ACADSB: variants seen among roughly 807,000 people sequenced by gnomAD.
ACADSB encodes acyl-CoA dehydrogenase short/branched chain, also known as short/branched chain specific acyl-CoA dehydrogenase, mitochondrial.
In ACADSB, 40 loss-of-function variants were observed where a neutral mutation model predicts 54.1. The observed-to-expected ratio is 0.74, with a 90% confidence interval of 0.57 to 0.96. The LOEUF is 0.96. Ranked by LOEUF, ACADSB falls within the 40% of genes least tolerant of loss-of-function variation. The pLI is 0.00. For synonymous variants in ACADSB, 182 were observed against 182.8 expected (o/e 1.00, Z 0.03); for missense variants, 530 against 510.4 (o/e 1.04, Z -0.37).
intron 10 of ACADSB, 25 bp from the exon 11 acceptor site, chr10:123,053,670 T>A (rs1156404833): frequency 3.1e-6 from 5 of 1,597,954 alleles, no homozygotes; most frequent in Non-Finnish European, 4.3e-6. Context: ...CTCCTCATTG[T>A]TCCTTCTGCT....
At chr10:123,029,107 G>A (rs557858040) in intron 1 of ACADSB, among the ~76,000 whole-genome samples, 3 of 152,046 alleles carry the variant, frequency 2.0e-5, no homozygotes, top group African/African-American at 7.2e-5. Flanking sequence ...AGCACTTTGG[G>A]AGGCCAAGGT....
intron 7 of ACADSB, among the ~76,000 whole-genome samples, chr10:123,046,374 G>A (rs1850560998): frequency 6.6e-6 from 1 of 152,172 alleles, no homozygotes; most frequent in African/African-American, 2.4e-5. Context: ...GCTACCTAAT[G>A]TTGAAATTTA....
intron 7 of ACADSB, among the ~76,000 whole-genome samples, chr10:123,045,152 TATATATATATATATATATA>T (rs1316909788): frequency 0.054 from 650 of 11,942 alleles, 73 homozygotes; most frequent in African/African-American, 0.16. Context: ...TATATATATA[TATATATATATATATATATA>T]TTTTTTTTTT....
In ACADSB at chr10:123,041,218, T is replaced by G; in HGVS notation, c.520T>G (p.Phe174Val). The G allele has an allele frequency of 6.2e-7, 1 of 1,614,186 alleles. No individual in the cohort carries two copies. Among genetic ancestry groups the G allele is most frequent in the South Asian group, 1.1e-5 (1 of 91,086 alleles). Residue 174 changes from phenylalanine to valine, a missense_variant, in exon 5 of 11, where the codon TTC becomes GTC. Phe to Val is a conservative substitution (Grantham distance 50). Coordinates refer to ENST00000358776, the MANE Select transcript of ACADSB (RefSeq NM_001609.4). ...PQLTTEKVGSFCLSEAGAGSD... is the reference protein window; with the variant it reads ...PQLTTEKVGSVCLSEAGAGSD... Reference sequence around the variant, plus strand: ...TTTCTCCCATATGTAGGTAGGAAGTTTCTGCCTTTCAGAGGCTGGAGCAGG... The same window carrying G: ...TTTCTCCCATATGTAGGTAGGAAGTGTCTGCCTTTCAGAGGCTGGAGCAGG...
chr10:123,013,310 CAG>C (rs1401264480), intron 1 of ACADSB, among the ~76,000 whole-genome samples: 1 of 152,272 alleles, frequency 6.6e-6, no homozygotes. Context: ...GAGCTAGACA[CAG>C]GGTGCTGATT....
chr10:123,016,190 A>G (rs1033866081), intron 1 of ACADSB, among the ~76,000 whole-genome samples: 8 of 152,248 alleles, frequency 5.3e-5, no homozygotes, highest in African/African-American at 1.7e-4. Context: ...TGCTAAAGCT[A>G]TGGTAAAAGG....
intron 7 of ACADSB, among the ~76,000 whole-genome samples, chr10:123,045,265 G>A (rs1317330310): frequency 1.1e-4 from 15 of 136,670 alleles, no homozygotes; most frequent in Non-Finnish European, 2.1e-4. Flanking sequence ...TGCAAGCTCC[G>A]CCTCCTGGGT....
intron 1 of ACADSB, among the ~76,000 whole-genome samples, chr10:123,029,760 A>G (rs1232885028): frequency 6.6e-6 from 1 of 152,222 alleles, no homozygotes; most frequent in Non-Finnish European, 1.5e-5. Context: ...TCTTTTGCAC[A>G]TGTCTACTTG....
Position 123,056,715 on chromosome 10 carries a change from A to G in ACADSB, c.*2950A>G, listed in dbSNP as rs886046798. 1 of 152,256 alleles carries G rather than the reference A, an allele frequency of 6.6e-6. No individual in the cohort carries two copies. The highest frequency in any genetic ancestry group is 2.4e-5 in the African/African-American group (1 of 41,474). The allele number at this position is 152,256 out of a possible 1,614,324, so 9.4% of individuals were successfully genotyped here. The stretch of plus-strand genomic sequence containing the variant: ...CATGCAGTTGCTTAGAATAATCATT[A>G]CTGTTATATGAGAAACATTTTAGTA... On this transcript the variant is annotated 3_prime_UTR_variant, in exon 11 of 11. Transcript: ENST00000358776.
chr10:123,017,506 C>G lies in ACADSB; in HGVS notation c.42+8435C>G, dbSNP rs560582551. Among the ~76,000 whole-genome samples the G allele has an allele frequency of 1.6e-4, 25 of 152,260 alleles. 1 individual carries two copies. The East Asian group carries it at 4.8e-3, about 29-fold the overall frequency. On this transcript the variant is annotated intron_variant, in intron 1 of 10. Transcript: ENST00000358776. Reference sequence around the variant, plus strand: ...CTAATTTTTGTATTTTTAGTAGAGACAGGATTTTACCATCTTGGTCAGGCT... The same window carrying G: ...CTAATTTTTGTATTTTTAGTAGAGAGAGGATTTTACCATCTTGGTCAGGCT...
At chr10:123,037,338 C>T (rs1249391740) in intron 2 of ACADSB, among the ~76,000 whole-genome samples, 7 of 152,234 alleles carry the variant, frequency 4.6e-5, no homozygotes, top group Admixed American at 2.0e-4. Flanking sequence ...GCAAGGCACA[C>T]ACCAGTGTGT....
chr10:123,024,420 T>C (rs528107974), intron 1 of ACADSB, among the ~76,000 whole-genome samples: 18 of 152,160 alleles, frequency 1.2e-4, no homozygotes, highest in African/African-American at 4.3e-4. Flanking sequence ...CACTGGAGAG[T>C]GGCCCTGGCC....
Position 123,041,309 on chromosome 10 carries a change from C to G in ACADSB, c.611C>G (p.Ser204Ter), listed in dbSNP as rs200926783. The change falls in exon 5 of 11, where the codon TCA becomes TGA. Residue 204 changes from serine (S) to a stop codon, truncating the protein, a stop_gained. Coordinates refer to ENST00000358776, the MANE Select transcript of ACADSB (RefSeq NM_001609.4). LOFTEE classifies it high-confidence loss of function. ...KEGDYYVLNG[S>*]KMWISSAEHA... is the part of the protein sequence containing the mutation. ...GGAGATTATTATGTCCTCAATGGAT[C>G]AAAGATGTGGATCAGCAGTGCTGAG... 5 of 1,614,174 alleles carry G rather than the reference C, an allele frequency of 3.1e-6. No homozygotes were observed. Among genetic ancestry groups the G allele is most frequent in the Non-Finnish European group, 4.2e-6 (5 of 1,180,010 alleles).
intron 7 of ACADSB, among the ~76,000 whole-genome samples, chr10:123,045,175 T>A (rs1422382246): frequency 3.9e-4 from 25 of 64,822 alleles, no homozygotes; most frequent in African/African-American, 6.9e-4. Context: ...ATATATATTT[T>A]TTTTTTTTTT....
At chr10:123,015,239 G>C (rs1287407212) in intron 1 of ACADSB, among the ~76,000 whole-genome samples, 1 of 152,202 alleles carries the variant, frequency 6.6e-6, no homozygotes, top group Non-Finnish European at 1.5e-5. Flanking sequence ...TCTCTCTCTG[G>C]TGCTAGGAAG....
chr10:123,044,279 G>T (rs950075248), intron 6 of ACADSB, 114 bp from the exon 7 acceptor site: 5 of 912,426 alleles, frequency 5.5e-6, no homozygotes, highest in African/African-American at 1.6e-5. Context: ...ATGCCGGCAA[G>T]TTCTGTGAGA....
Position 123,053,718 on chromosome 10 carries a change from A to G in ACADSB, c.1252A>G (p.Asn418Asp). Residue 418 changes from asparagine to aspartate, a missense_variant, in exon 11 of 11, where the codon AAC becomes GAC. Coordinates refer to ENST00000358776, the MANE Select transcript of ACADSB (RefSeq NM_001609.4). The stretch of plus-strand genomic sequence containing the variant: ...AGGTACGATATATGAAGGAGCTTCC[A>G]ACATCCAGTTGAACACCATTGCAAA... ...KIGTIYEGAS[N>D]IQLNTIAKHI... The G allele has an allele frequency of 3.7e-6, 6 of 1,614,100 alleles. No homozygotes were observed. The highest frequency in any genetic ancestry group is 5.1e-6 in the Non-Finnish European group (6 of 1,179,952).
rs142417386 is a variant in ACADSB, at chr10:123,039,527, C to T, written c.304-939C>T. Among the ~76,000 whole-genome samples the T allele has an allele frequency of 4.9e-3, 747 of 152,268 alleles. 3 individuals carry two copies. Among genetic ancestry groups the T allele is most frequent in the African/African-American group, 0.017 (711 of 41,532 alleles). ...CTGGCACTGGTCGTGTTTACCAGGC[C>T]CTCGTGCTTTGGCTAGTGTGGCTCT... On this transcript the variant is annotated intron_variant, in intron 3 of 10. Coordinates refer to ENST00000358776, the MANE Select transcript of ACADSB (RefSeq NM_001609.4).
chr10:123,021,064 GTCT>G (rs796361584), intron 1 of ACADSB, among the ~76,000 whole-genome samples: 41 of 152,278 alleles, frequency 2.7e-4, no homozygotes, highest in African/African-American at 8.4e-4. Context: ...TCTGTCTCCT[GTCT>G]TCTTCTTCTA....
Sources: gnomAD v4.1 joint callset for allele counts (sites outside exome capture counted in the v4.1 genomes callset) on GRCh38, gnomAD v4.1.1 for gene constraint, MANE v1.5 for transcripts, NCBI Gene and HGNC (gene_info 2026-07-23, HGNC 2026-07-21) for gene names.